Variants in MIPOL1 observed in about 807,000 individuals in gnomAD.
MIPOL1 encodes mirror-image polydactyly gene 1 protein.
Under a neutral mutation model 60.9 loss-of-function variants are expected in MIPOL1, and 57 were observed. That is an observed-to-expected ratio of 0.94 (90% CI 0.76 to 1.17). The LOEUF (loss-of-function observed/expected upper bound fraction) is 1.17. Among genes scored for constraint, MIPOL1 ranks in the 50% most tolerant of loss-of-function variants. MIPOL1 has a pLI of 0.00. For missense variants in MIPOL1, 551 were observed against 511.6 expected (o/e 1.08, Z -0.74); for synonymous variants, 179 against 168.8 (o/e 1.06, Z -0.47).
chr14:37,385,661 T>C (rs572472125), intron 10 of MIPOL1: 37 of 152,120 alleles, frequency 2.4e-4, no homozygotes, highest in Non-Finnish European at 2.9e-4. Context: ...TATATATGTC[T>C]GTAAGATAAT....
chr14:37,479,829 T>A (rs1169871), intron 11 of MIPOL1, among the ~76,000 whole-genome samples: 117,117 of 151,974 alleles, frequency 0.77, 45,648 homozygotes, highest in African/African-American at 0.89. Context: ...ACTCAAATAA[T>A]TAAAAATCAG....
At chr14:37,219,307 T>C (rs1205375514) in intron 1 of MIPOL1, among the ~76,000 whole-genome samples, 3 of 152,190 alleles carry the variant, frequency 2.0e-5, no homozygotes, top group Admixed American at 1.3e-4. Flanking sequence ...AGGGCTAGTA[T>C]AGTAAAGGGT....
chr14:37,486,955 G>A (rs1010251001), intron 11 of MIPOL1, among the ~76,000 whole-genome samples: 1 of 152,162 alleles, frequency 6.6e-6, no homozygotes, highest in Non-Finnish European at 1.5e-5. Flanking sequence ...CATTCAGTAT[G>A]ATATTGACTG....
chr14:37,238,270 T>C (rs1971796628), intron 1 of MIPOL1, among the ~76,000 whole-genome samples: 1 of 152,206 alleles, frequency 6.6e-6, no homozygotes, highest in Non-Finnish European at 1.5e-5. Flanking sequence ...TCACAATGCC[T>C]ATGTATGTAT....
intron 9 of MIPOL1, among the ~76,000 whole-genome samples, chr14:37,316,496 G>A (rs10150919): frequency 0.53 from 81,042 of 151,764 alleles, 24,282 homozygotes; most frequent in Non-Finnish European, 0.66. Flanking sequence ...GGAAATAGAG[G>A]AAGTGCAGAC....
At chr14:37,432,620 A>G (rs1163885594) in intron 11 of MIPOL1, among the ~76,000 whole-genome samples, 4 of 151,526 alleles carry the variant, frequency 2.6e-5, no homozygotes, top group Non-Finnish European at 1.5e-5. Context: ...TTTTTTTTTT[A>G]GACCTACAGT....
intron 10 of MIPOL1, among the ~76,000 whole-genome samples, chr14:37,392,774 C>T (rs544471032): frequency 5.8e-4 from 89 of 152,148 alleles, no homozygotes; most frequent in South Asian, 1.7e-3. Context: ...ATCAGTTGGG[C>T]ACAAAGGTAA....
chr14:37,262,677 G>C (rs561485769), intron 3 of MIPOL1, among the ~76,000 whole-genome samples: 16 of 152,232 alleles, frequency 1.1e-4, no homozygotes, highest in African/African-American at 3.9e-4. Context: ...TTCATCTTAA[G>C]AGGCAGGCGA....
rs1420386583 is a variant in MIPOL1, at chr14:37,365,009, A to G, written c.829-4508A>G. Among the ~76,000 whole-genome samples, 3 of 152,206 alleles carry G rather than the reference A, an allele frequency of 2.0e-5. No homozygotes were observed. The East Asian group carries it at 5.8e-4, about 29-fold the overall frequency. On this transcript the variant is annotated intron_variant, in intron 9 of 12. Coordinates refer to ENST00000684589, the MANE Select transcript of MIPOL1 (RefSeq NM_001388067.1). Reference sequence around the variant, plus strand: ...CTAAAATTTCTTTTTCAGATTTTTCACTGTTGTCATATAGAAATGCTACTG... The same window carrying G: ...CTAAAATTTCTTTTTCAGATTTTTCGCTGTTGTCATATAGAAATGCTACTG...
intron 9 of MIPOL1, among the ~76,000 whole-genome samples, chr14:37,363,733 C>G (rs928489497): frequency 1.3e-4 from 20 of 152,184 alleles, no homozygotes; most frequent in African/African-American, 4.8e-4. Flanking sequence ...ATGCCCTGCC[C>G]ACAGAGGTGG....
At chr14:37,219,896 A>G (rs1233850660) in intron 1 of MIPOL1, among the ~76,000 whole-genome samples, 2 of 152,270 alleles carry the variant, frequency 1.3e-5, no homozygotes, top group African/African-American at 2.4e-5. Context: ...CTTTTAATGT[A>G]CTTATTTAGT....
chr14:37,206,747 C>A (rs1966153596), intron 1 of MIPOL1, among the ~76,000 whole-genome samples: 1 of 152,238 alleles, frequency 6.6e-6, no homozygotes, highest in South Asian at 2.1e-4. Context: ...GTGTGACCTG[C>A]ATGTGAGACA....
chr14:37,267,057 A>G lies in MIPOL1; in HGVS notation c.139A>G (p.Asn47Asp), dbSNP rs1254988037. The G allele has an allele frequency of 6.2e-7, 1 of 1,614,006 alleles. No homozygotes were observed. Among genetic ancestry groups the G allele is most frequent in the South Asian group, 1.1e-5 (1 of 91,080 alleles). The change falls in exon 4 of 13, where the codon AAT becomes GAT. Residue 47 changes from asparagine (N) to aspartate (D), a missense_variant. Physicochemically the swap from Asn to Asp is conservative, Grantham distance 23. Transcript: ENST00000684589. ...GCATCGGAAATCCACTGAATTAGTT[A>G]ATGAAATAACATGTGAGAACACAGA... ...SMHRKSTELV[N>D]EITCENTEWP...
chr14:37,209,396 C>T (rs1966584652), intron 1 of MIPOL1, among the ~76,000 whole-genome samples: 1 of 152,094 alleles, frequency 6.6e-6, no homozygotes, highest in African/African-American at 2.4e-5. Context: ...TGGTGGCTCA[C>T]CCATGTAATC....
At chr14:37,223,285 G>A (rs965718985) in intron 1 of MIPOL1, among the ~76,000 whole-genome samples, 4 of 151,948 alleles carry the variant, frequency 2.6e-5, no homozygotes, top group Non-Finnish European at 5.9e-5. Context: ...CACCCACCTC[G>A]GCCTCCCAAA....
chr14:37,439,533 A>C (rs2094210568), intron 11 of MIPOL1, among the ~76,000 whole-genome samples: 1 of 152,202 alleles, frequency 6.6e-6, no homozygotes. Context: ...CTTTATATAA[A>C]ATTTAAAGCA....
At chr14:37,199,914 A>G (rs1964954393) in intron 1 of MIPOL1, among the ~76,000 whole-genome samples, 1 of 152,188 alleles carries the variant, frequency 6.6e-6, no homozygotes, top group Non-Finnish European at 1.5e-5. Flanking sequence ...CACTACTGAA[A>G]AGTTTTTCAT....
At position 37,245,796 on chromosome 14, in the gene MIPOL1, T is replaced by G. The variant is rs548092103; in HGVS notation, c.-198-1307T>G. Reference sequence around the variant, plus strand: ...TACTGTTTGGGTTTAAGGCTACTAATACATATTTTTAACACAGGCTTTTTG... The same window carrying G: ...TACTGTTTGGGTTTAAGGCTACTAAGACATATTTTTAACACAGGCTTTTTG... On this transcript the variant is annotated intron_variant, in intron 1 of 12. Transcript: ENST00000684589. Among the ~76,000 whole-genome samples the G allele has an allele frequency of 2.0e-4, 30 of 152,228 alleles. No homozygotes were observed. The South Asian group carries it at 6.0e-3, about 30-fold the overall frequency.
intron 10 of MIPOL1, among the ~76,000 whole-genome samples, chr14:37,395,220 TG>T (rs1234238573): frequency 6.6e-6 from 1 of 152,154 alleles, no homozygotes; most frequent in Non-Finnish European, 1.5e-5. Context: ...TCTTTTTGCT[TG>T]GCTATGCGTG....
Sources: gnomAD v4.1 joint callset for allele counts (sites outside exome capture counted in the v4.1 genomes callset) on GRCh38, gnomAD v4.1.1 for gene constraint, MANE v1.5 for transcripts, NCBI Gene and HGNC (gene_info 2026-07-23, HGNC 2026-07-21) for gene names.